The following TMEM132D variants were observed in gnomAD, a reference collection of about 807,000 sequenced individuals.
The protein encoded by TMEM132D is mature OL transmembrane protein.
A neutral mutation model predicts 62.3 loss-of-function variants in TMEM132D; 21 were observed. The ratio of observed to expected loss-of-function variants is 0.34; its 90% CI spans 0.24 to 0.49. The LOEUF (loss-of-function observed/expected upper bound fraction) is 0.49. TMEM132D is among the 20% of genes least tolerant of loss of function. The pLI is 0.99. For synonymous variants in TMEM132D, 621 were observed against 575.6 expected (o/e 1.08, Z -1.13); for missense variants, 1,346 against 1,402.8 (o/e 0.96, Z 0.65).
intron 4 of TMEM132D, among the ~76,000 whole-genome samples, chr12:129,224,865 A>G (rs952167843): frequency 1.3e-5 from 2 of 152,132 alleles, no homozygotes; most frequent in East Asian, 3.9e-4. Context: ...TCCATTTTAT[A>G]TATTTTTTAA....
rs776329667 is a variant in TMEM132D at position 129,219,387 on chromosome 12, AC to A, written c.1300-9725del. ...ATTAGGCATCTTTCCTTTATAAATT[AC>A]CCAGTCTTGGGTATGTCTTTATTAG... is the stretch of plus-strand genomic sequence containing the variant. On this transcript the variant is annotated intron_variant, in intron 4 of 8. Transcript: ENST00000422113. 2.6e-4 allele frequency among the ~76,000 whole-genome samples: 40 copies of A among 152,218 alleles called. 1 individual carries two copies. The highest frequency in any genetic ancestry group is 3.4e-3 in the Middle Eastern group (1 of 294).
At chr12:129,527,448 T>C (rs540105131) in intron 3 of TMEM132D, among the ~76,000 whole-genome samples, 1 of 152,240 alleles carries the variant, frequency 6.6e-6, no homozygotes, top group African/African-American at 2.4e-5. Flanking sequence ...TGCCTATCTA[T>C]AATGTACCAG....
At chr12:129,820,102 C>A (rs1184733515) in intron 1 of TMEM132D, among the ~76,000 whole-genome samples, 5 of 152,320 alleles carry the variant, frequency 3.3e-5, no homozygotes, top group African/African-American at 9.6e-5. Context: ...AAGCTCCTTA[C>A]CTTCCGCATG....
At chr12:129,466,193 G>A (rs144757658) in intron 3 of TMEM132D, among the ~76,000 whole-genome samples, 32 of 150,954 alleles carry the variant, frequency 2.1e-4, no homozygotes, top group Non-Finnish European at 4.1e-4. Flanking sequence ...AAATGACAAA[G>A]AAGAATGTTT....
chr12:129,449,216 G>T (rs1873195277), intron 3 of TMEM132D, among the ~76,000 whole-genome samples: 1 of 152,180 alleles, frequency 6.6e-6, no homozygotes, highest in Non-Finnish European at 1.5e-5. Flanking sequence ...GTTTGACCTG[G>T]GGAAAACTGT....
intron 4 of TMEM132D, among the ~76,000 whole-genome samples, chr12:129,293,964 G>A (rs774479550): frequency 6.6e-5 from 10 of 152,304 alleles, no homozygotes; most frequent in Admixed American, 1.3e-4. Context: ...AAATGAAGAG[G>A]AGAGGGGGGC....
intron 1 of TMEM132D, among the ~76,000 whole-genome samples, chr12:129,890,650 G>T (rs551224279): frequency 6.6e-6 from 1 of 152,162 alleles, no homozygotes; most frequent in Non-Finnish European, 1.5e-5. Flanking sequence ...CTCACATCAC[G>T]CAATCAGCGA....
At chr12:129,688,743 GTCT>G (rs1249521768) in intron 2 of TMEM132D, among the ~76,000 whole-genome samples, 1 of 151,896 alleles carries the variant, frequency 6.6e-6, no homozygotes, top group African/African-American at 2.4e-5. Flanking sequence ...AACAGATCAA[GTCT>G]TCTGCCTTAT....
chr12:129,866,228 G>T (rs564073543), intron 1 of TMEM132D, among the ~76,000 whole-genome samples: 249 of 152,172 alleles, frequency 1.6e-3, no homozygotes, highest in African/African-American at 5.7e-3. Flanking sequence ...TGAGAAATGA[G>T]TGTTAGCATA....
chr12:129,559,954 A>G (rs1877168649), intron 2 of TMEM132D, among the ~76,000 whole-genome samples: 1 of 152,226 alleles, frequency 6.6e-6, no homozygotes, highest in Non-Finnish European at 1.5e-5. Context: ...CTCCAGTGAA[A>G]AGAGTACTGT....
intron 1 of TMEM132D, among the ~76,000 whole-genome samples, chr12:129,720,623 G>A (rs1350385719): frequency 2.0e-5 from 3 of 152,108 alleles, no homozygotes; most frequent in African/African-American, 7.2e-5. Flanking sequence ...GGCACAATCT[G>A]GTTTACAGAA....
chr12:129,386,065 G>A (rs1593359858), intron 3 of TMEM132D, among the ~76,000 whole-genome samples: 1 of 152,244 alleles, frequency 6.6e-6, no homozygotes. Context: ...CTTTCCTGCT[G>A]GCTCACAGTG....
chr12:129,476,049 G>A (rs1186057851), intron 3 of TMEM132D, among the ~76,000 whole-genome samples: 1 of 152,192 alleles, frequency 6.6e-6, no homozygotes, highest in Non-Finnish European at 1.5e-5. Context: ...TACCATGTCG[G>A]GAAGCAGGAC....
intron 3 of TMEM132D, among the ~76,000 whole-genome samples, chr12:129,368,486 G>A (rs918650459): frequency 6.6e-6 from 1 of 152,134 alleles, no homozygotes; most frequent in African/African-American, 2.4e-5. Context: ...TTAGCAGCGA[G>A]TGAATGCTTT....
At chr12:129,092,539 C>CA (rs1480053823) in intron 5 of TMEM132D, among the ~76,000 whole-genome samples, 3 of 151,878 alleles carry the variant, frequency 2.0e-5, no homozygotes, top group African/African-American at 7.3e-5. Flanking sequence ...ATTAAAAATA[C>CA]AAAAAAATTA....
At chr12:129,210,435 C>T (rs574158651) in intron 4 of TMEM132D, among the ~76,000 whole-genome samples, 11 of 151,904 alleles carry the variant, frequency 7.2e-5, no homozygotes, top group South Asian at 4.2e-4. Context: ...CCCACTGATG[C>T]GACCCACGAT....
At position 129,203,121 on chromosome 12, in the gene TMEM132D, G is replaced by A. The variant is rs11608812; in HGVS notation, c.1443+6399C>T. Among the ~76,000 whole-genome samples the A allele has an allele frequency of 8.5e-3, 1,291 of 152,272 alleles. 7 individuals are homozygous for A. Among genetic ancestry groups the A allele is most frequent in the Non-Finnish European group, 0.012 (794 of 68,028 alleles). On this transcript the variant is annotated intron_variant, in intron 5 of 8. Coordinates refer to ENST00000422113, the MANE Select transcript of TMEM132D (RefSeq NM_133448.3). ...TACCTGCTTTTGTATCAATCGCTGA[G>A]TGTCAGCCAACTACAGGTAGCCAAC... is the stretch of plus-strand genomic sequence containing the variant.
chr12:129,312,919 A>C (rs1470901921), intron 4 of TMEM132D, among the ~76,000 whole-genome samples: 1 of 152,208 alleles, frequency 6.6e-6, no homozygotes, highest in African/African-American at 2.4e-5. Flanking sequence ...GTATATTGTA[A>C]AGGTGGAACT....
intron 3 of TMEM132D, among the ~76,000 whole-genome samples, chr12:129,391,710 G>A (rs1871294353): frequency 6.6e-6 from 1 of 152,182 alleles, no homozygotes; most frequent in African/African-American, 2.4e-5. Flanking sequence ...CCTACTCCAA[G>A]AGATTTTGAT....
Sources: gnomAD v4.1 joint callset for allele counts (sites outside exome capture counted in the v4.1 genomes callset) on GRCh38, gnomAD v4.1.1 for gene constraint, MANE v1.5 for transcripts, NCBI Gene and HGNC (gene_info 2026-07-23, HGNC 2026-07-21) for gene names.